GSG1L: variants seen among roughly 807,000 people sequenced by gnomAD.
GSG1L encodes the protein germ cell-specific gene 1-like protein.
In GSG1L, 24 loss-of-function variants were observed where a neutral mutation model predicts 42.1. That is an observed-to-expected ratio of 0.57 (90% CI 0.41 to 0.80). The LOEUF (loss-of-function observed/expected upper bound fraction) is 0.80, where lower values mean the gene tolerates loss of function less well. GSG1L is among the 30% of genes least tolerant of loss of function. The probability of loss-of-function intolerance (pLI) is 0.00; values close to 1 mark genes in which losing one functional copy is unlikely to be tolerated. For synonymous variants in GSG1L, 215 were observed against 203.5 expected, an observed-to-expected ratio of 1.06 and a Z score of -0.48; for missense variants, 445 against 472.2, an observed-to-expected ratio of 0.94 and a Z score of 0.53.
At chr16:27,874,791 T>C (rs1244557179) in intron 3 of GSG1L, among the ~76,000 whole-genome samples, 1 of 152,182 alleles carries the variant, frequency 6.6e-6, no homozygotes, top group African/African-American at 2.4e-5. Context: ...TCACCTTAAG[T>C]AGAGTGACTT....
intron 5 of GSG1L, among the ~76,000 whole-genome samples, chr16:27,820,339 A>C (rs2083138336): frequency 6.6e-6 from 1 of 152,152 alleles, no homozygotes; most frequent in African/African-American, 2.4e-5. Flanking sequence ...GCGTCGGCAC[A>C]CAGGACCAGG....
At position 28,063,209 on chromosome 16, in the gene GSG1L, G is replaced by GGCT. The variant is rs896417026; in HGVS notation, c.215_216insAGC (p.Ala74dup). On this transcript the variant is annotated inframe_insertion, in exon 1 of 7. Coordinates refer to ENST00000447459, the MANE Select transcript of GSG1L (RefSeq NM_001109763.2). The surrounding 1 kb of genome is among the most constrained non-coding windows in gnomAD (Gnocchi z 5.8). ...GGCCGTTCCCCGAGGCGGTGGCGGCGGCGGCGGCGGCGGCGGGGGCGGCGG... is the reference window on the plus strand; with the variant it reads ...GGCCGTTCCCCGAGGCGGTGGCGGCGGCTGCGGCGGCGGCGGCGGGGGCGGCGG... 2 of 1,261,610 alleles carry GGCT rather than the reference G, an allele frequency of 1.6e-6. No homozygotes were observed. Among genetic ancestry groups the GGCT allele is most frequent in the Non-Finnish European group, 2.0e-6 (2 of 1,007,472 alleles). 78.2% of individuals were successfully genotyped at this position (1,261,610 alleles called of 1,614,324 possible).
chr16:27,843,728 C>A (rs2083413392), intron 4 of GSG1L, among the ~76,000 whole-genome samples: 1 of 152,162 alleles, frequency 6.6e-6, no homozygotes. Flanking sequence ...CACTCAGCAT[C>A]TATTCCATCC....
intron 2 of GSG1L, among the ~76,000 whole-genome samples, chr16:27,906,732 T>C (rs1434910153): frequency 6.6e-6 from 1 of 152,198 alleles, no homozygotes; most frequent in Non-Finnish European, 1.5e-5. Context: ...CGCCCCATTC[T>C]GACATCTTGT....
chr16:27,849,203 GAAAAAAA>G (rs1203275567), intron 3 of GSG1L, among the ~76,000 whole-genome samples: 20 of 79,958 alleles, frequency 2.5e-4, no homozygotes, highest in African/African-American at 3.3e-4. Flanking sequence ...ATCCCAAAAA[GAAAAAAA>G]AAAAAAAAAA....
chr16:27,791,593 C>A, intron 6 of GSG1L, 126 bp from the exon 7 acceptor site: 3 of 526,654 alleles, frequency 5.7e-6, no homozygotes. Flanking sequence ...CCCATCATGC[C>A]TTTTGTCTAC....
chr16:27,816,012 G>A (rs763643257), intron 5 of GSG1L, among the ~76,000 whole-genome samples: 1 of 152,134 alleles, frequency 6.6e-6, no homozygotes, highest in Non-Finnish European at 1.5e-5. Flanking sequence ...ATTTAGAGCA[G>A]GACTGAGAAC....
intron 1 of GSG1L, among the ~76,000 whole-genome samples, chr16:28,036,550 C>T (rs893357999): frequency 2.0e-5 from 3 of 152,212 alleles, no homozygotes; most frequent in Non-Finnish European, 2.9e-5. Context: ...GACACTGCTT[C>T]GGCTGCCTCT....
chr16:27,805,808 C>A (rs938136634), intron 6 of GSG1L, among the ~76,000 whole-genome samples: 3 of 150,910 alleles, frequency 2.0e-5, no homozygotes, highest in Admixed American at 1.3e-4. Context: ...GGGGTTTTGC[C>A]ATTTCCTCTG....
At chr16:27,803,766 CATATAT>C (rs3047681) in intron 6 of GSG1L, among the ~76,000 whole-genome samples, 3,825 of 117,818 alleles carry the variant, frequency 0.032, 151 homozygotes, top group East Asian at 0.12. Context: ...ACAGTGCAGA[CATATAT>C]ATATATATAT....
chr16:27,936,529 G>C (rs1286819343), intron 2 of GSG1L, among the ~76,000 whole-genome samples: 1 of 152,162 alleles, frequency 6.6e-6, no homozygotes, highest in Non-Finnish European at 1.5e-5. Context: ...TCCATGAGTG[G>C]AAGCAGCCTG....
intron 3 of GSG1L, among the ~76,000 whole-genome samples, chr16:27,861,138 C>A (rs967058957): frequency 6.6e-6 from 1 of 152,116 alleles, no homozygotes; most frequent in Non-Finnish European, 1.5e-5. Flanking sequence ...GAGGCCAAGG[C>A]GGGCAGATCA....
chr16:27,935,182 G>A (rs2084700347), intron 2 of GSG1L, among the ~76,000 whole-genome samples: 1 of 152,178 alleles, frequency 6.6e-6, no homozygotes, highest in Admixed American at 6.5e-5. Context: ...AAAACAGTGA[G>A]CAGGGGAGCC....
intron 3 of GSG1L, among the ~76,000 whole-genome samples, chr16:27,846,956 CAA>C (rs5816450): frequency 0.025 from 2,821 of 113,452 alleles, 92 homozygotes; most frequent in African/African-American, 0.086. Context: ...GACTCCGTCT[CAA>C]AAAAAAAAAA....
chr16:27,833,705 A>G (rs559827971), intron 4 of GSG1L, among the ~76,000 whole-genome samples: 1 of 152,104 alleles, frequency 6.6e-6, no homozygotes, highest in Non-Finnish European at 1.5e-5. Context: ...CTTTTTTAGT[A>G]TAAATGATAT....
chr16:27,932,565 C>T (rs547739556), intron 2 of GSG1L, among the ~76,000 whole-genome samples: 2 of 152,292 alleles, frequency 1.3e-5, no homozygotes, highest in African/African-American at 4.8e-5. Flanking sequence ...ATCGCCATGA[C>T]AGCACCAAGT....
chr16:28,059,582 G>C lies in GSG1L; in HGVS notation c.349+3494C>G, dbSNP rs538856885. 6.6e-6 allele frequency among the ~76,000 whole-genome samples: 1 copy of C among 151,652 alleles called. No individual in the cohort carries two copies. The highest frequency in any genetic ancestry group is 6.6e-5 in the Admixed American group (1 of 15,160). On this transcript the variant is annotated intron_variant, in intron 1 of 6. Coordinates refer to ENST00000447459, the MANE Select transcript of GSG1L (RefSeq NM_001109763.2). The surrounding 1 kb of genome is among the most constrained non-coding windows in gnomAD (Gnocchi z 4.4). ...TCACCTGTGCTCCCAGCTGGCACAA[G>C]CTCCCACCTGCCCCACCATCGCCCC...
chr16:27,819,119 A>G (rs1628984), intron 5 of GSG1L, among the ~76,000 whole-genome samples: 51,626 of 151,814 alleles, frequency 0.34, 10,135 homozygotes, highest in African/African-American at 0.51. Context: ...GCATGGTGGC[A>G]TGTGCCTGTA....
intron 3 of GSG1L, among the ~76,000 whole-genome samples, chr16:27,858,805 A>G (rs1288142433): frequency 6.6e-6 from 1 of 152,238 alleles, no homozygotes; most frequent in East Asian, 1.9e-4. Context: ...ACAAATAAAT[A>G]AAAATACCTT....
Sources: allele counts gnomAD v4.1 joint callset (sites outside exome capture counted in the v4.1 genomes callset), GRCh38; gene constraint gnomAD v4.1.1; non-coding constraint Gnocchi (gnomAD v3.1); transcripts MANE v1.5; gene names NCBI Gene and HGNC (gene_info 2026-07-23, HGNC 2026-07-21).